Variants in EDA observed in about 807,000 individuals in gnomAD.
EDA encodes ectodysplasin-A.
Under a neutral mutation model 23.6 loss-of-function variants are expected in EDA, and 2 were observed. The ratio of observed to expected loss-of-function variants is 0.08; its 90% CI spans 0.03 to 0.27. The LOEUF (loss-of-function observed/expected upper bound fraction) is 0.27, where lower values mean the gene tolerates loss of function less well. EDA is among the 10% of genes least tolerant of loss of function. EDA has a pLI of 1.00. For synonymous variants in EDA, 131 were observed against 132.0 expected (o/e 0.99, Z 0.05); for missense variants, 229 against 324.2 (o/e 0.71, Z 2.26).
chrX:69,643,208 T>C (rs954925231), intron 1 of EDA, among the ~76,000 whole-genome samples: 18 of 109,201 alleles, frequency 1.6e-4, no homozygotes, highest in African/African-American at 5.9e-4. Context: ...AAAACATATA[T>C]GGTAAAAAAA....
intron 1 of EDA, among the ~76,000 whole-genome samples, chrX:69,674,301 T>A (rs1306766406): frequency 8.9e-6 from 1 of 112,095 alleles, no homozygotes; most frequent in African/African-American, 3.2e-5. Context: ...TATATATGCC[T>A]ATCACATAGG....
At chrX:69,963,783 AC>A (rs1320836913) in intron 2 of EDA, among the ~76,000 whole-genome samples, 1 of 111,739 alleles carries the variant, frequency 8.9e-6, no homozygotes, top group East Asian at 2.8e-4. Flanking sequence ...AAACTCCTGT[AC>A]TTAGTATGTA....
intron 1 of EDA, among the ~76,000 whole-genome samples, chrX:69,917,180 C>T (rs1166281991): frequency 1.8e-5 from 2 of 110,915 alleles, no homozygotes; most frequent in East Asian, 5.7e-4. Context: ...AGGTGATCCA[C>T]CCACCTAGGC....
chrX:69,976,632 C>G (rs1394273845), intron 2 of EDA, among the ~76,000 whole-genome samples: 1 of 110,961 alleles, frequency 9.0e-6, no homozygotes, highest in Non-Finnish European at 1.9e-5. Flanking sequence ...AGTACCTGAT[C>G]ATTTCTCTCA....
Position 69,666,985 on chromosome X carries a change from C to T in EDA, c.396+50281C>T, listed in dbSNP as rs183261176. ...TCTGTTTATTTGTTATTAGTCTGTT[C>T]AAGCTTTCTATTTCTTCCTGACTCA... On this transcript the variant is annotated intron_variant, in intron 1 of 7. Coordinates refer to ENST00000374552, the MANE Select transcript of EDA (RefSeq NM_001399.5). Among the ~76,000 whole-genome samples, 3 of 111,160 alleles carry T rather than the reference C, an allele frequency of 2.7e-5. No individual in the cohort carries two copies. In the East Asian group the frequency reaches 8.5e-4, roughly 31 times the overall value.
chrX:69,632,375 C>G (rs1932634509), intron 1 of EDA, among the ~76,000 whole-genome samples: 1 of 112,098 alleles, frequency 8.9e-6, no homozygotes, highest in South Asian at 3.7e-4. Context: ...CCAGGTCCCC[C>G]TGTCTTAACA....
rs186216437 is a variant in EDA at position 69,918,344 on chromosome X, A to G, written c.397-38683A>G. Among the ~76,000 whole-genome samples the G allele has an allele frequency of 4.6e-4, 51 of 109,774 alleles. 1 individual carries two copies. Among genetic ancestry groups the G allele is most frequent in the Non-Finnish European group, 6.1e-4 (32 of 52,641 alleles). On this transcript the variant is annotated intron_variant, in intron 1 of 7. Transcript: ENST00000374552. ...GCTAATTTTTGTATTTTCAGTAGAG[A>G]TGGGGTTTCGCCATATTGGCCAGGC...
intron 1 of EDA, among the ~76,000 whole-genome samples, chrX:69,913,303 TTCA>T (rs1172106644): frequency 1.8e-5 from 2 of 112,573 alleles, no homozygotes; most frequent in Non-Finnish European, 3.7e-5. Context: ...TGTAGCAACC[TTCA>T]TCAATTGTCT....
rs756397830 is a variant in EDA at position 69,841,857 on chromosome X, A to G, written c.397-115170A>G. On this transcript the variant is annotated intron_variant, in intron 1 of 7. Coordinates refer to ENST00000374552, the MANE Select transcript of EDA (RefSeq NM_001399.5). Reference sequence around the variant, plus strand: ...GAACTCTTAGTAACAGGGAATTTAGATGATTGTCTTTTAGTCTTGACAAGG... The same window carrying G: ...GAACTCTTAGTAACAGGGAATTTAGGTGATTGTCTTTTAGTCTTGACAAGG... 5.3e-5 allele frequency among the ~76,000 whole-genome samples: 6 copies of G among 112,441 alleles called. No individual in the cohort carries two copies. The East Asian group carries it at 1.7e-3, about 31-fold the overall frequency.
intron 1 of EDA, among the ~76,000 whole-genome samples, chrX:69,797,632 A>G (rs1330905561): frequency 9.0e-6 from 1 of 111,709 alleles, no homozygotes; most frequent in East Asian, 2.8e-4. Flanking sequence ...CATCATAAAA[A>G]CACACATAGT....
At chrX:69,623,001 T>C (rs1932240628) in intron 1 of EDA, among the ~76,000 whole-genome samples, 1 of 112,174 alleles carries the variant, frequency 8.9e-6, no homozygotes, top group Non-Finnish European at 1.9e-5. Context: ...ATCAGGTGCC[T>C]GTATATATGC....
chrX:69,906,187 C>T lies in EDA; in HGVS notation c.397-50840C>T, dbSNP rs183819099. Among the ~76,000 whole-genome samples the T allele has an allele frequency of 3.2e-3, 357 of 112,642 alleles. 1 individual carries two copies. Among genetic ancestry groups the T allele is most frequent in the Admixed American group, 5.5e-3 (58 of 10,603 alleles). On this transcript the variant is annotated intron_variant, in intron 1 of 7. Coordinates refer to ENST00000374552, the MANE Select transcript of EDA (RefSeq NM_001399.5). ...ATTTCTGTCCTAACTAACCATCCTA[C>T]GTCATTTCTGACAAAATCTTTCCTT...
At chrX:69,885,984 CA>C (rs2017823816) in intron 1 of EDA, among the ~76,000 whole-genome samples, 1 of 112,131 alleles carries the variant, frequency 8.9e-6, no homozygotes, top group South Asian at 3.7e-4. Flanking sequence ...ATCCTGCTCA[CA>C]TAAGGATCCA....
intron 1 of EDA, among the ~76,000 whole-genome samples, chrX:69,792,703 G>A (rs773875581): frequency 1.2e-4 from 13 of 112,007 alleles, no homozygotes; most frequent in Non-Finnish European, 1.9e-4. Flanking sequence ...GTTTTAATTT[G>A]CATTTCCCGG....
intron 1 of EDA, among the ~76,000 whole-genome samples, chrX:69,725,072 C>T (rs993872974): frequency 8.9e-6 from 1 of 112,272 alleles, no homozygotes; most frequent in Non-Finnish European, 1.9e-5. Flanking sequence ...TTTCAGTTTA[C>T]ATGCCATTAA....
At chrX:69,821,716 A>G (rs1411372412) in intron 1 of EDA, among the ~76,000 whole-genome samples, 2 of 112,088 alleles carry the variant, frequency 1.8e-5, no homozygotes, top group South Asian at 3.7e-4. Flanking sequence ...GCAAGTGGTT[A>G]ATAAAATGTG....
At chrX:69,712,221 C>A (rs969682102) in intron 1 of EDA, among the ~76,000 whole-genome samples, 1 of 111,503 alleles carries the variant, frequency 9.0e-6, no homozygotes, top group African/African-American at 3.3e-5. Flanking sequence ...TTTCAAAGAA[C>A]ATCTTTATTT....
Position 69,817,557 on chromosome X carries a change from A to C in EDA, c.397-139470A>C, listed in dbSNP as rs1428864660. Among the ~76,000 whole-genome samples, 12 of 112,453 alleles carry C rather than the reference A, an allele frequency of 1.1e-4. No homozygotes were observed. The Admixed American group carries it at 1.1e-3, about 11-fold the overall frequency. ...AAGCAAATGGAAAACAGAAAAAAGC[A>C]AAGGTTGCAATACTAGTTTCTAACA... On this transcript the variant is annotated intron_variant, in intron 1 of 7. Coordinates refer to ENST00000374552, the MANE Select transcript of EDA (RefSeq NM_001399.5).
intron 1 of EDA, among the ~76,000 whole-genome samples, chrX:69,827,828 G>GT (rs1264584867): frequency 3.6e-5 from 4 of 111,559 alleles, no homozygotes; most frequent in Non-Finnish European, 7.5e-5. Flanking sequence ...CATCTTTGTG[G>GT]TTTTATCTAC....
Sources: gnomAD v4.1 joint callset for allele counts (sites outside exome capture counted in the v4.1 genomes callset) on GRCh38, gnomAD v4.1.1 for gene constraint, MANE v1.5 for transcripts, NCBI Gene and HGNC (gene_info 2026-07-23, HGNC 2026-07-21) for gene names.